AUTS2: variants seen among roughly 807,000 people sequenced by gnomAD.
AUTS2 encodes the protein autism susceptibility gene 2 protein.
AUTS2 carries 17 observed loss-of-function variants against 112.4 expected under a neutral mutation model. The observed-to-expected ratio is 0.15, with a 90% confidence interval of 0.10 to 0.23. AUTS2 has a LOEUF of 0.23. Among genes scored for constraint, AUTS2 ranks in the 10% least tolerant of loss-of-function variants. The pLI is 1.00. For missense variants in AUTS2, 1,510 were observed against 1,701.6 expected (o/e 0.89, Z 1.98); for synonymous variants, 751 against 702.7 (o/e 1.07, Z -1.09).
intron 4 of AUTS2, among the ~76,000 whole-genome samples, chr7:70,361,533 T>C (rs1182116585): frequency 1.3e-5 from 2 of 152,178 alleles, no homozygotes; most frequent in African/African-American, 4.8e-5. Context: ...GCTTAACTTT[T>C]GATGCTCCCG....
intron 4 of AUTS2, among the ~76,000 whole-genome samples, chr7:70,428,307 G>A (rs181219858): frequency 6.6e-6 from 1 of 152,304 alleles, no homozygotes; most frequent in Admixed American, 6.5e-5. Flanking sequence ...GCTGCCATAT[G>A]TGGCACAAAA....
intron 4 of AUTS2, among the ~76,000 whole-genome samples, chr7:70,425,492 T>A (rs1308788017): frequency 6.6e-6 from 1 of 152,136 alleles, no homozygotes; most frequent in Non-Finnish European, 1.5e-5. Flanking sequence ...CAAGAGGAGA[T>A]TCCTCAAAGG....
rs190643462 is a variant in AUTS2 at position 70,255,139 on chromosome 7, T to C, written c.660+120568T>C. On this transcript the variant is annotated intron_variant, in intron 4 of 18. Transcript: ENST00000342771. Reference sequence around the variant, plus strand: ...CCCAGGCTGGAGTACAATGGTATGATCTTGGCTCACTGCAACCTATGCCTC... The same window carrying C: ...CCCAGGCTGGAGTACAATGGTATGACCTTGGCTCACTGCAACCTATGCCTC... 2.9e-3 allele frequency among the ~76,000 whole-genome samples: 434 copies of C among 151,196 alleles called. 4 individuals are homozygous for C. The highest frequency in any genetic ancestry group is 0.01 in the African/African-American group (420 of 41,150).
intron 5 of AUTS2, among the ~76,000 whole-genome samples, chr7:70,630,357 A>T (rs117112067): frequency 3.3e-5 from 5 of 152,190 alleles, no homozygotes; most frequent in Non-Finnish European, 7.3e-5. Flanking sequence ...GTACATAACT[A>T]TAGATTTCTG....
intron 2 of AUTS2, among the ~76,000 whole-genome samples, chr7:70,006,711 G>A (rs1194064202): frequency 6.6e-6 from 1 of 152,148 alleles, no homozygotes; most frequent in Admixed American, 6.6e-5. Context: ...CACATGCCCT[G>A]ATACCTACTG....
At chr7:70,215,227 G>A (rs1437891321) in intron 4 of AUTS2, among the ~76,000 whole-genome samples, 1 of 152,154 alleles carries the variant, frequency 6.6e-6, no homozygotes, top group Non-Finnish European at 1.5e-5. Flanking sequence ...CTGCAGTGAG[G>A]TATGATCATG....
intron 2 of AUTS2, among the ~76,000 whole-genome samples, chr7:70,070,608 A>G (rs1027235829): frequency 2.0e-5 from 3 of 151,910 alleles, no homozygotes; most frequent in African/African-American, 4.8e-5. Context: ...GCTTACGCCT[A>G]TAATCCCAGC....
At chr7:70,105,016 C>T (rs533496352) in intron 2 of AUTS2, among the ~76,000 whole-genome samples, 1 of 152,174 alleles carries the variant, frequency 6.6e-6, no homozygotes, top group Admixed American at 6.5e-5. Flanking sequence ...GGACAGCTTA[C>T]GTTTTTAACT....
At chr7:70,037,612 CT>C (rs1422795658) in intron 2 of AUTS2, among the ~76,000 whole-genome samples, 1 of 151,914 alleles carries the variant, frequency 6.6e-6, no homozygotes, top group Admixed American at 6.6e-5. Flanking sequence ...ATGCTCTGTT[CT>C]TTTACAAATT....
At chr7:70,476,586 A>G (rs533558880) in intron 5 of AUTS2, among the ~76,000 whole-genome samples, 17 of 152,310 alleles carry the variant, frequency 1.1e-4, no homozygotes, top group African/African-American at 3.8e-4. Flanking sequence ...GTATGTTTTA[A>G]TAAGTCATGT....
Position 70,118,215 on chromosome 7 carries a change from T to G in AUTS2, c.606T>G (p.Ser202=), listed in dbSNP as rs760208561. The change falls in exon 3 of 19, where the codon TCT becomes TCG. Residue 202 remains serine (S), a synonymous_variant. Coordinates refer to ENST00000342771, the MANE Select transcript of AUTS2 (RefSeq NM_015570.4). ...CCAAGGGCTTCCACCGGAGCAGCTCTCGGGAAAGGCTCAGTGATGTAAGTT... is the reference window on the plus strand; with the variant it reads ...CCAAGGGCTTCCACCGGAGCAGCTCGCGGGAAAGGCTCAGTGATGTAAGTT... ...GESKGFHRSS[S]RERLSDSSAP... is the part of the protein sequence containing the mutation. 6 of 1,587,434 alleles carry G rather than the reference T, an allele frequency of 3.8e-6. No individual in the cohort carries two copies. Among genetic ancestry groups the G allele is most frequent in the Non-Finnish European group, 8.5e-7 (1 of 1,170,542 alleles).
At chr7:70,065,773 A>G (rs186232155) in intron 2 of AUTS2, among the ~76,000 whole-genome samples, 1 of 152,252 alleles carries the variant, frequency 6.6e-6, no homozygotes, top group Non-Finnish European at 1.5e-5. Flanking sequence ...TGGCACAATT[A>G]TAGCCTACAG....
intron 4 of AUTS2, among the ~76,000 whole-genome samples, chr7:70,408,956 T>C (rs1794660157): frequency 6.6e-6 from 1 of 152,248 alleles, no homozygotes; most frequent in Admixed American, 6.5e-5. Flanking sequence ...TCTCAAAATA[T>C]GCTGATAGCA....
intron 1 of AUTS2, among the ~76,000 whole-genome samples, chr7:69,752,890 TG>T (rs1458100311): frequency 6.6e-6 from 1 of 152,204 alleles, no homozygotes; most frequent in Non-Finnish European, 1.5e-5. Flanking sequence ...GCTGAGGGAC[TG>T]GAACAGCAGC....
chr7:70,614,461 C>T (rs1297384246), intron 5 of AUTS2, among the ~76,000 whole-genome samples: 2 of 152,124 alleles, frequency 1.3e-5, no homozygotes, highest in African/African-American at 4.8e-5. Flanking sequence ...GGGATGCTCA[C>T]GATGGTGCTA....
intron 4 of AUTS2, among the ~76,000 whole-genome samples, chr7:70,362,684 G>A (rs1051479030): frequency 6.7e-6 from 1 of 148,970 alleles, no homozygotes; most frequent in South Asian, 2.1e-4. Context: ...TCTCCTCTTT[G>A]ATTTTATTTT....
Position 70,182,285 on chromosome 7 carries a change from T to C in AUTS2, c.660+47714T>C, listed in dbSNP as rs76216637. ...CTTTCAGATGCCAGTGTCATTTCCC[T>C]TTCATGCCTCTCAGTGATATTTCTT... On this transcript the variant is annotated intron_variant, in intron 4 of 18. Transcript: ENST00000342771. Among the ~76,000 whole-genome samples, 441 of 152,334 alleles carry C rather than the reference T, an allele frequency of 2.9e-3. 5 individuals carry two copies. The highest frequency in any genetic ancestry group is 0.01 in the African/African-American group (427 of 41,578).
chr7:69,670,859 C>T (rs1796288335), intron 1 of AUTS2, among the ~76,000 whole-genome samples: 1 of 151,778 alleles, frequency 6.6e-6, no homozygotes, highest in Non-Finnish European at 1.5e-5. Context: ...TGATCGAGAC[C>T]CTGTCTCAAA....
At chr7:70,438,097 G>A (rs1052921383) in intron 5 of AUTS2, among the ~76,000 whole-genome samples, 2 of 152,046 alleles carry the variant, frequency 1.3e-5, no homozygotes, top group African/African-American at 4.8e-5. Context: ...GTAATTTCTA[G>A]GAGTAATCTG....
Sources: gnomAD v4.1 joint callset for allele counts (sites outside exome capture counted in the v4.1 genomes callset) on GRCh38, gnomAD v4.1.1 for gene constraint, MANE v1.5 for transcripts, NCBI Gene and HGNC (gene_info 2026-07-23, HGNC 2026-07-21) for gene names.